The following RPH3A variants were observed in gnomAD, a reference collection of about 807,000 sequenced individuals.
RPH3A encodes the protein rabphilin 3A.
A neutral mutation model predicts 102.2 loss-of-function variants in RPH3A; 48 were observed. The ratio of observed to expected loss-of-function variants is 0.47; its 90% CI spans 0.37 to 0.60. The LOEUF (loss-of-function observed/expected upper bound fraction) is 0.60, where lower values mean the gene tolerates loss of function less well. Among genes scored for constraint, RPH3A ranks in the 20% least tolerant of loss-of-function variants. The probability of loss-of-function intolerance (pLI) is 0.00; values close to 1 mark genes in which losing one functional copy is unlikely to be tolerated. For missense variants in RPH3A, 781 were observed against 910.1 expected (o/e 0.86, Z 1.83); for synonymous variants, 310 against 324.3 (o/e 0.96, Z 0.47).
intron 1 of RPH3A, among the ~76,000 whole-genome samples, chr12:112,664,891 T>C (rs1212856704): frequency 3.4e-5 from 5 of 147,348 alleles, no homozygotes; most frequent in Non-Finnish European, 7.4e-5. Context: ...CCTCAGTCTG[T>C]GGCTGGAAGA....
chr12:112,831,856 A>T (rs1376187174), intron 3 of RPH3A: 1 of 455,626 alleles, frequency 2.2e-6, no homozygotes, highest in Non-Finnish European at 4.4e-6. Flanking sequence ...CCTTCCACGT[A>T]AGCCCTTCTT....
intron 1 of RPH3A, among the ~76,000 whole-genome samples, chr12:112,785,584 A>G (rs1565879864): frequency 1.3e-5 from 2 of 152,320 alleles, no homozygotes; most frequent in South Asian, 2.1e-4. Context: ...GATGACAGAC[A>G]TGGGGCTGCC....
chr12:112,736,495 T>C (rs1467892695), intron 1 of RPH3A, among the ~76,000 whole-genome samples: 1 of 152,202 alleles, frequency 6.6e-6, no homozygotes, highest in East Asian at 1.9e-4. Context: ...AAGTGCTGCA[T>C]AAATATTTGG....
chr12:112,671,855 A>G lies in RPH3A; in HGVS notation c.-140+96536A>G, dbSNP rs539356088. On this transcript the variant is annotated intron_variant, in intron 1 of 21. Transcript: ENST00000543106. ...CAGAAAAACAGAACCAATAGGATCTATCTATCTATCTATCTACACACACAC... is the reference window on the plus strand; with the variant it reads ...CAGAAAAACAGAACCAATAGGATCTGTCTATCTATCTATCTACACACACAC... Among the ~76,000 whole-genome samples, 46 of 151,612 alleles carry G rather than the reference A, an allele frequency of 3.0e-4. No homozygotes were observed. In the South Asian group the frequency reaches 5.0e-3, roughly 16 times the overall value.
intron 16 of RPH3A, among the ~76,000 whole-genome samples, chr12:112,884,626 C>T (rs748858404): frequency 6.6e-6 from 1 of 152,054 alleles, no homozygotes; most frequent in Non-Finnish European, 1.5e-5. Flanking sequence ...AGGACAGAAA[C>T]CAAAGAGAAT....
intron 1 of RPH3A, among the ~76,000 whole-genome samples, chr12:112,688,654 G>C (rs1033919942): frequency 6.6e-6 from 1 of 152,070 alleles, no homozygotes; most frequent in Non-Finnish European, 1.5e-5. Flanking sequence ...TAAGTGCTTG[G>C]TGCTGTGTAC....
At chr12:112,654,315 T>C (rs538793111) in intron 1 of RPH3A, among the ~76,000 whole-genome samples, 1 of 152,356 alleles carries the variant, frequency 6.6e-6, no homozygotes, top group East Asian at 1.9e-4. Flanking sequence ...AGGAGCTTTT[T>C]GAGGTCTGCA....
Position 112,786,057 on chromosome 12 carries a change from A to T in RPH3A, c.-139-6086A>T, listed in dbSNP as rs185775987. On this transcript the variant is annotated intron_variant, in intron 1 of 21. Transcript: ENST00000543106. ...TGGTGGTCCCATTTTATAGCTGAGG[A>T]GACTGAGGTTCGGAGCATGCCAGTG... Among the ~76,000 whole-genome samples, 405 of 152,284 alleles carry T rather than the reference A, an allele frequency of 2.7e-3. 1 individual carries two copies. Among genetic ancestry groups the T allele is most frequent in the African/African-American group, 8.8e-3 (367 of 41,550 alleles).
At chr12:112,886,893 A>G (rs1393279863) in intron 16 of RPH3A, among the ~76,000 whole-genome samples, 1 of 152,264 alleles carries the variant, frequency 6.6e-6, no homozygotes, top group Non-Finnish European at 1.5e-5. Flanking sequence ...TCAAATGGCC[A>G]TAAAGTATAT....
chr12:112,747,591 C>T (rs962558276), intron 1 of RPH3A, among the ~76,000 whole-genome samples: 3 of 152,086 alleles, frequency 2.0e-5, no homozygotes, highest in East Asian at 1.9e-4. Context: ...AGCAAGTGCT[C>T]GGTCAATATT....
chr12:112,655,815 C>T (rs188402637), intron 1 of RPH3A, among the ~76,000 whole-genome samples: 465 of 151,980 alleles, frequency 3.1e-3, no homozygotes, highest in Non-Finnish European at 5.1e-3. Flanking sequence ...TCAGGTGATC[C>T]GCCAGCCTCA....
At chr12:112,764,419 A>C (rs2040874659) in intron 1 of RPH3A, among the ~76,000 whole-genome samples, 1 of 152,180 alleles carries the variant, frequency 6.6e-6, no homozygotes, top group African/African-American at 2.4e-5. Flanking sequence ...CTCAGAGGGA[A>C]TAGGTGGTAA....
intron 1 of RPH3A, among the ~76,000 whole-genome samples, chr12:112,585,012 G>A (rs914879101): frequency 6.6e-6 from 1 of 152,140 alleles, no homozygotes; most frequent in African/African-American, 2.4e-5. Context: ...TTCAGTCAGC[G>A]GTCAAAGGCT....
chr12:112,593,785 G>C (rs992892385), intron 1 of RPH3A, among the ~76,000 whole-genome samples: 1 of 152,186 alleles, frequency 6.6e-6, no homozygotes, highest in Admixed American at 6.5e-5. Context: ...AGCTATCTAA[G>C]AGTGGTTCTG....
intron 1 of RPH3A, among the ~76,000 whole-genome samples, chr12:112,620,013 T>C (rs1215132213): frequency 6.6e-6 from 1 of 152,220 alleles, no homozygotes; most frequent in Admixed American, 6.5e-5. Context: ...TTGATCCAAG[T>C]AGCAAGTGAA....
chr12:112,800,697 C>T (rs1410198675), intron 2 of RPH3A, among the ~76,000 whole-genome samples: 2 of 151,910 alleles, frequency 1.3e-5, no homozygotes, highest in African/African-American at 2.4e-5. Flanking sequence ...GGAGTGCAGA[C>T]GGGCTTTACT....
intron 4 of RPH3A, among the ~76,000 whole-genome samples, chr12:112,847,161 C>T (rs555893645): frequency 8.5e-5 from 13 of 152,112 alleles, no homozygotes; most frequent in Non-Finnish European, 1.2e-4. Context: ...TGTCAGTGTT[C>T]GCTTAAAAAG....
intron 1 of RPH3A, among the ~76,000 whole-genome samples, chr12:112,764,056 G>A (rs906489752): frequency 6.6e-6 from 1 of 152,166 alleles, no homozygotes; most frequent in Non-Finnish European, 1.5e-5. Flanking sequence ...AGGGCAAAAG[G>A]AAGAGAGAAC....
At chr12:112,796,618 C>T (rs1196098028) in intron 2 of RPH3A, among the ~76,000 whole-genome samples, 2 of 152,228 alleles carry the variant, frequency 1.3e-5, no homozygotes, top group Non-Finnish European at 2.9e-5. Context: ...GGACTTGGCT[C>T]CTGCCTCAGA....
Sources: gnomAD v4.1 joint callset for allele counts (sites outside exome capture counted in the v4.1 genomes callset) on GRCh38, gnomAD v4.1.1 for gene constraint, MANE v1.5 for transcripts, NCBI Gene and HGNC (gene_info 2026-07-23, HGNC 2026-07-21) for gene names.